Variants in POLQ observed in about 807,000 individuals in gnomAD.
POLQ encodes epididymis secretory sperm binding protein.
POLQ carries 233 observed loss-of-function variants against 259.2 expected under a neutral mutation model. The observed-to-expected ratio is 0.90, with a 90% CI of 0.81 to 1.00. The LOEUF (loss-of-function observed/expected upper bound fraction) is 1.00. Ranked by LOEUF, POLQ falls within the 50% of genes least tolerant of loss-of-function variation. The probability of loss-of-function intolerance (pLI) is 0.00; values close to 1 mark genes in which losing one functional copy is unlikely to be tolerated. For missense variants in POLQ, 2,871 were observed against 3,051.6 expected (o/e 0.94, Z 1.39); for synonymous variants, 1,025 against 1,048.8 (o/e 0.98, Z 0.44).
At chr3:121,453,335 C>T (rs878940132) in intron 25 of POLQ, among the ~76,000 whole-genome samples, 4 of 152,202 alleles carry the variant, frequency 2.6e-5, no homozygotes, top group African/African-American at 9.7e-5. Flanking sequence ...CAGAGCGCCT[C>T]TCCTCCTCCA....
Position 121,493,670 on chromosome 3 carries a change from A to G in POLQ, c.2330T>C (p.Leu777Pro), listed in dbSNP as rs1424270432. 6.2e-7 allele frequency: 1 copy of G among 1,613,862 alleles called. No individual in the cohort carries two copies. Among genetic ancestry groups the G allele is most frequent in the Non-Finnish European group, 8.5e-7 (1 of 1,179,700 alleles). Reference protein sequence around the residue: ...NRLGWHNMELLLSQFQKRLTF... With the variant: ...NRLGWHNMELPLSQFQKRLTF... ...AAGACGCTTCTGAAATTGGGAAAGTAGTAGTTCCATGTTGTGCCAGCCCAG... is the reference window on the plus strand; with the variant it reads ...AAGACGCTTCTGAAATTGGGAAAGTGGTAGTTCCATGTTGTGCCAGCCCAG... The change falls in exon 15 of 30, where the codon CTA becomes CCA. Residue 777 changes from leucine (L) to proline (P), a missense_variant. Physicochemically the swap from Leu to Pro is moderately conservative, Grantham distance 98 (BLOSUM62 -3). This residue lies in a region of POLQ where 2,080 missense variants were observed against 2,126.0 expected (regional missense o/e 0.98). Transcript: ENST00000264233.
intron 22 of POLQ, among the ~76,000 whole-genome samples, 182 bp from the exon 23 acceptor site, chr3:121,468,613 C>A (rs896503887): frequency 6.6e-6 from 1 of 152,104 alleles, no homozygotes; most frequent in Non-Finnish European, 1.5e-5. Flanking sequence ...AAGTACAAGA[C>A]CATCCCAAAT....
intron 25 of POLQ, among the ~76,000 whole-genome samples, chr3:121,452,059 G>A (rs935571752): frequency 3.0e-4 from 45 of 152,224 alleles, no homozygotes; most frequent in African/African-American, 1.0e-3. Context: ...AATGAGCGAG[G>A]CTCCATGGAC....
chr3:121,529,663 G>A lies in POLQ; in HGVS notation c.1090C>T (p.Leu364=). Residue 364 remains leucine, a synonymous_variant, in exon 7 of 30, where the codon CTA becomes TTA. Coordinates refer to ENST00000264233, the MANE Select transcript of POLQ (RefSeq NM_199420.4). ...AACTCACCCTCAGCTTGATGATGTA[G>A]ATTATAAAACTCTCGAGCAATGATA... ...ADIIAREFYN[L]HHQAEGLVKP... The A allele has an allele frequency of 6.2e-7, 1 of 1,613,438 alleles. No homozygotes were observed. Among genetic ancestry groups the A allele is most frequent in the Non-Finnish European group, 8.5e-7 (1 of 1,179,726 alleles).
intron 25 of POLQ, among the ~76,000 whole-genome samples, chr3:121,453,175 G>T (rs1027384454): frequency 3.9e-5 from 6 of 152,168 alleles, no homozygotes; most frequent in Non-Finnish European, 1.5e-5. Context: ...CTGCAGCTGA[G>T]GGTCCTGTCT....
Position 121,490,146 on chromosome 3 carries a change from T to G in POLQ, c.2785A>C (p.Ser929Arg), listed in dbSNP as rs754644495. 4 of 1,609,836 alleles carry G rather than the reference T, an allele frequency of 2.5e-6. No individual in the cohort carries two copies. The highest frequency in any genetic ancestry group is 1.3e-5 in the African/African-American group (1 of 74,818). ...KEHTFISQTK[S>R]SYKKLTSKNK... ...TTTGATGTTAATTTTTTATAAGAAC[T>G]CTTAGTTTGGGATATAAATGTGTGT... Residue 929 changes from serine to arginine, a missense_variant, in exon 16 of 30, where the codon AGT (serine) becomes CGT (arginine). By Grantham distance (110) the Ser-to-Arg change is moderately radical. Coordinates refer to ENST00000264233, the MANE Select transcript of POLQ (RefSeq NM_199420.4).
At chr3:121,456,019 A>G (rs1280377931) in intron 25 of POLQ, among the ~76,000 whole-genome samples, 1 of 152,208 alleles carries the variant, frequency 6.6e-6, no homozygotes, top group African/African-American at 2.4e-5. Context: ...CAGCACATCA[A>G]AAAGCTTATC....
chr3:121,436,912 A>T (rs16832303), intron 27 of POLQ, among the ~76,000 whole-genome samples: 3 of 151,802 alleles, frequency 2.0e-5, no homozygotes, highest in African/African-American at 7.3e-5. Context: ...ACTAAAATTA[A>T]TCATCTTGGA....
At chr3:121,453,051 G>C (rs550126280) in intron 25 of POLQ, among the ~76,000 whole-genome samples, 1 of 152,340 alleles carries the variant, frequency 6.6e-6, no homozygotes, top group Admixed American at 6.5e-5. Context: ...ACTTCCAGAG[G>C]AACGATCAGA....
At chr3:121,513,755 G>C (rs987549532) in intron 9 of POLQ, among the ~76,000 whole-genome samples, 1 of 151,974 alleles carries the variant, frequency 6.6e-6, no homozygotes, top group Non-Finnish European at 1.5e-5. Context: ...CAGGCCCAGT[G>C]GCTTATGCCT....
chr3:121,544,480 T>A (rs543272420), intron 2 of POLQ, among the ~76,000 whole-genome samples: 2 of 152,354 alleles, frequency 1.3e-5, no homozygotes, highest in South Asian at 4.1e-4. Flanking sequence ...TTGTTGAGAA[T>A]AATGGCAGGC....
intron 12 of POLQ, among the ~76,000 whole-genome samples, chr3:121,502,656 G>C (rs2048180555): frequency 6.6e-6 from 1 of 151,348 alleles, no homozygotes; most frequent in South Asian, 2.1e-4. Context: ...AATAAATGAA[G>C]AAAAAAAACA....
intron 5 of POLQ, among the ~76,000 whole-genome samples, chr3:121,535,715 C>CAAAAAAAAA (rs34317903): frequency 3.7e-5 from 4 of 107,410 alleles, no homozygotes; most frequent in Non-Finnish European, 5.5e-5. Flanking sequence ...AACTCCATCT[C>CAAAAAAAAA]AAAAAAAAAA....
Position 121,432,981 on chromosome 3 carries a change from G to A in POLQ, c.7596C>T (p.Gly2532=). 1 of 1,612,914 alleles carries A rather than the reference G, an allele frequency of 6.2e-7. No individual in the cohort carries two copies. Residue 2532 remains glycine, a synonymous_variant, in exon 29 of 30, where the codon GGC becomes GGT. Transcript: ENST00000264233. ...CATCATGGAGTTGAAGGATGAAGAA[G>A]CCTCCTCTGATTGGGCAGAACATCC... ...LQGMFCPIRG[G]FFILQLHDEL...
At chr3:121,442,637 G>A (rs1328541366) in intron 26 of POLQ, among the ~76,000 whole-genome samples, 1 of 152,114 alleles carries the variant, frequency 6.6e-6, no homozygotes, top group Non-Finnish European at 1.5e-5. Context: ...TCTTTTCTAT[G>A]GCTGGATAGT....
At chr3:121,474,193 T>C (rs757518835) in intron 20 of POLQ, among the ~76,000 whole-genome samples, 1 of 152,180 alleles carries the variant, frequency 6.6e-6, no homozygotes, top group African/African-American at 2.4e-5. Context: ...TACATGGCTA[T>C]TGTCTCATTA....
chr3:121,509,994 AAAG>A, intron 11 of POLQ, 42 bp downstream of exon 11: 2 of 1,450,120 alleles, frequency 1.4e-6, no homozygotes, highest in Admixed American at 1.7e-5. Context: ...CAACCTCACT[AAAG>A]AAGAAAAAGT....
At chr3:121,536,520 T>C (rs925633011) in intron 5 of POLQ, among the ~76,000 whole-genome samples, 2 of 152,164 alleles carry the variant, frequency 1.3e-5, no homozygotes, top group African/African-American at 4.8e-5. Context: ...TATATATATA[T>C]AGATGACAAA....
chr3:121,512,808 T>A (rs2048264586), intron 9 of POLQ, among the ~76,000 whole-genome samples: 1 of 152,232 alleles, frequency 6.6e-6, no homozygotes, highest in Non-Finnish European at 1.5e-5. Flanking sequence ...ATAGAGGTAC[T>A]TTCAAACCTA....
Sources: gnomAD v4.1 joint callset for allele counts (sites outside exome capture counted in the v4.1 genomes callset) on GRCh38, gnomAD v4.1.1 for gene constraint, gnomAD v4.1.1 regional missense constraint, MANE v1.5 for transcripts, NCBI Gene and HGNC (gene_info 2026-07-23, HGNC 2026-07-21) for gene names.